The following ABCA1 variants were observed in gnomAD, a reference collection of about 807,000 sequenced individuals.
ABCA1 encodes phospholipid-transporting ATPase ABCA1.
ABCA1 carries 133 observed loss-of-function variants against 262.5 expected under a neutral mutation model. The ratio of observed to expected loss-of-function variants is 0.51; its 90% confidence interval spans 0.44 to 0.59. The LOEUF is 0.59. Among genes scored for constraint, ABCA1 ranks in the 20% least tolerant of loss-of-function variants. The probability of loss-of-function intolerance (pLI) is 0.00; values close to 1 mark genes in which losing one functional copy is unlikely to be tolerated. For synonymous variants in ABCA1, 1,022 were observed against 1,043.5 expected (o/e 0.98, Z 0.40); for missense variants, 2,452 against 2,777.5 (o/e 0.88, Z 2.63).
At chr9:104,820,903 C>T (rs1470330431) in intron 20 of ABCA1, among the ~76,000 whole-genome samples, 3 of 152,170 alleles carry the variant, frequency 2.0e-5, no homozygotes, top group South Asian at 2.1e-4. Context: ...AATCAAAGAA[C>T]AACTAGGTCT....
chr9:104,870,939 T>C (rs1329196156), intron 5 of ABCA1, among the ~76,000 whole-genome samples: 1 of 151,930 alleles, frequency 6.6e-6, no homozygotes, highest in East Asian at 1.9e-4. Flanking sequence ...TCAGTTAAGG[T>C]GGGGCAGGAA....
intron 29 of ABCA1, among the ~76,000 whole-genome samples, chr9:104,810,141 CATATATATATAT>C (rs35876406): frequency 3.9e-5 from 5 of 126,852 alleles, no homozygotes; most frequent in African/African-American, 1.4e-4. Context: ...ATTCACATTA[CATATATATATAT>C]ATATATATAT....
At chr9:104,925,088 G>T (rs770696121) in intron 1 of ABCA1, among the ~76,000 whole-genome samples, 31 of 152,124 alleles carry the variant, frequency 2.0e-4, no homozygotes, top group Non-Finnish European at 4.4e-4. Flanking sequence ...AAGTCAAAAT[G>T]TGTCCAGGGG....
At chr9:104,875,534 C>T (rs1838088539) in intron 5 of ABCA1, among the ~76,000 whole-genome samples, 1 of 152,120 alleles carries the variant, frequency 6.6e-6, no homozygotes, top group African/African-American at 2.4e-5. Flanking sequence ...CCTTTCCGCC[C>T]CTTGACCTCA....
intron 3 of ABCA1, among the ~76,000 whole-genome samples, chr9:104,887,990 G>A (rs1046576952): frequency 6.6e-6 from 1 of 151,980 alleles, no homozygotes; most frequent in African/African-American, 2.4e-5. Context: ...ACTTCCCACT[G>A]TGCCTGGCCC....
chr9:104,830,476 G>A (rs1833192786), intron 14 of ABCA1, among the ~76,000 whole-genome samples: 1 of 152,138 alleles, frequency 6.6e-6, no homozygotes, highest in African/African-American at 2.4e-5. Flanking sequence ...GATTGCCTGA[G>A]CTCAGGAGTT....
At chr9:104,800,123 G>C (rs775101120) in intron 35 of ABCA1, 135 bp from the exon 36 acceptor site, 47 of 980,776 alleles carry the variant, frequency 4.8e-5, no homozygotes, top group Admixed American at 7.6e-5. Flanking sequence ...ACTATGATCA[G>C]AGAATATGGC....
intron 7 of ABCA1, among the ~76,000 whole-genome samples, chr9:104,848,998 C>T (rs144360419): frequency 0.016 from 2,485 of 152,224 alleles, 56 homozygotes; most frequent in African/African-American, 0.057. Flanking sequence ...TCACCATTAC[C>T]GGTCATCTGT....
Position 104,896,711 on chromosome 9 carries a change from C to CTTTTTTT in ABCA1, c.66+6896_66+6902dup, listed in dbSNP as rs56710442. Among the ~76,000 whole-genome samples, 47 of 37,010 alleles carry CTTTTTTT rather than the reference C, an allele frequency of 1.3e-3. 12 individuals carry two copies. Among genetic ancestry groups the CTTTTTTT allele is most frequent in the Middle Eastern group, 0.025 (1 of 40 alleles). 24.3% of individuals were successfully genotyped at this position (37,010 alleles called of 152,430 possible). A position where few individuals can be genotyped will look rare whatever the true frequency, so the allele number is the denominator to read the frequency against. On this transcript the variant is annotated intron_variant, in intron 2 of 49. Coordinates refer to ENST00000374736, the MANE Select transcript of ABCA1 (RefSeq NM_005502.4). Reference sequence around the variant, plus strand: ...AACTCCAAAATTGCTCCCTACACATCTTTTTTTTTTTTTTTTTTTTTTTTT... The same window carrying CTTTTTTT: ...AACTCCAAAATTGCTCCCTACACATCTTTTTTTTTTTTTTTTTTTTTTTTTTTTTTTT...
intron 7 of ABCA1, among the ~76,000 whole-genome samples, chr9:104,848,086 T>C (rs1835053525): frequency 1.3e-5 from 2 of 152,246 alleles, no homozygotes; most frequent in Admixed American, 6.5e-5. Context: ...ATATTCATTA[T>C]GTACCTTCTC....
rs1833449257 is a variant in ABCA1, at chr9:104,832,673, G to A, written c.1410C>T (p.His470=). ...AQDIVAFLAK[H]PEDVQSSNGS... Reference sequence around the variant, plus strand: ...CATTACTGGACTGGACATCCTCTGGGTGCTTGGCCAAAAACGCCACGATGT... The same window carrying A: ...CATTACTGGACTGGACATCCTCTGGATGCTTGGCCAAAAACGCCACGATGT... Residue 470 remains histidine, a synonymous_variant, in exon 12 of 50, where the codon CAC becomes CAT. Coordinates refer to ENST00000374736, the MANE Select transcript of ABCA1 (RefSeq NM_005502.4). 1 of 1,614,156 alleles carries A rather than the reference G, an allele frequency of 6.2e-7. No individual in the cohort carries two copies. Among genetic ancestry groups the A allele is most frequent in the Non-Finnish European group, 8.5e-7 (1 of 1,180,036 alleles).
intron 5 of ABCA1, among the ~76,000 whole-genome samples, chr9:104,878,622 C>A (rs1838352224): frequency 6.6e-6 from 1 of 152,104 alleles, no homozygotes; most frequent in African/African-American, 2.4e-5. Context: ...TGGAGAGGGG[C>A]CATATTTGTT....
intron 22 of ABCA1, 140 bp downstream of exon 22, chr9:104,819,446 A>G: frequency 8.2e-7 from 1 of 1,222,384 alleles, no homozygotes; most frequent in Non-Finnish European, 1.2e-6. Context: ...TCTCAGTCTC[A>G]ATGCCCTTTA....
chr9:104,881,870 G>T (rs1390016818), intron 5 of ABCA1, among the ~76,000 whole-genome samples: 1 of 151,812 alleles, frequency 6.6e-6, no homozygotes, highest in African/African-American at 2.4e-5. Flanking sequence ...GCCAGGAGTT[G>T]TCTAAGTGGA....
intron 8 of ABCA1, among the ~76,000 whole-genome samples, chr9:104,841,772 T>C (rs920434925): frequency 6.6e-6 from 1 of 152,258 alleles, no homozygotes; most frequent in Non-Finnish European, 1.5e-5. Flanking sequence ...AGGCAGTGTC[T>C]GTGACTGCCA....
intron 6 of ABCA1, among the ~76,000 whole-genome samples, chr9:104,861,097 C>T (rs74526913): frequency 0.027 from 4,075 of 152,154 alleles, 167 homozygotes; most frequent in African/African-American, 0.081. Flanking sequence ...GACACTAGTC[C>T]GTTCATTTCT....
intron 5 of ABCA1, among the ~76,000 whole-genome samples, chr9:104,873,483 G>C (rs1837824607): frequency 6.6e-6 from 1 of 152,184 alleles, no homozygotes; most frequent in African/African-American, 2.4e-5. Flanking sequence ...AAGCCCTCTT[G>C]TCTCCTTTCT....
chr9:104,913,813 T>A (rs1841648335), intron 1 of ABCA1, among the ~76,000 whole-genome samples: 2 of 152,146 alleles, frequency 1.3e-5, no homozygotes, highest in Admixed American at 1.3e-4. Context: ...ATTTATTTAT[T>A]TAGATGGAGT....
At chr9:104,858,816 G>A in intron 6 of ABCA1, 118 bp from the exon 7 acceptor site, 1 of 1,023,042 alleles carries the variant, frequency 9.8e-7, no homozygotes, top group Non-Finnish European at 1.5e-6. Flanking sequence ...TCTTAAAACA[G>A]GTTCCATTGC....
Sources: gnomAD v4.1 joint callset for allele counts (sites outside exome capture counted in the v4.1 genomes callset) on GRCh38, gnomAD v4.1.1 for gene constraint, MANE v1.5 for transcripts, NCBI Gene and HGNC (gene_info 2026-07-23, HGNC 2026-07-21) for gene names.